The following TMEM156 variants were observed in gnomAD, a reference collection of about 807,000 sequenced individuals.
The protein encoded by TMEM156 is transmembrane protein 156.
In TMEM156, 28 loss-of-function variants were observed where a neutral mutation model predicts 30.5. The observed-to-expected ratio is 0.92, with a 90% confidence interval of 0.68 to 1.26. The LOEUF (loss-of-function observed/expected upper bound fraction) is 1.26. Among genes scored for constraint, TMEM156 ranks in the 50% most tolerant of loss-of-function variants. The probability of loss-of-function intolerance (pLI) is 0.00; values close to 1 mark genes in which losing one functional copy is unlikely to be tolerated. For missense variants in TMEM156, 351 were observed against 340.6 expected (o/e 1.03, Z -0.24); for synonymous variants, 137 against 119.9 (o/e 1.14, Z -0.93).
At chr4:38,982,408 T>C (rs1711644911) in intron 5 of TMEM156, among the ~76,000 whole-genome samples, 1 of 152,224 alleles carries the variant, frequency 6.6e-6, no homozygotes, top group African/African-American at 2.4e-5. Context: ...GTCAATGTTA[T>C]TTATGATTCT....
chr4:39,031,849 C>T (rs895394386), intron 1 of TMEM156, among the ~76,000 whole-genome samples: 1 of 140,766 alleles, frequency 7.1e-6, no homozygotes, highest in African/African-American at 2.8e-5. Flanking sequence ...GGCCATTGCA[C>T]TCCAGCCTGA....
At chr4:38,978,573 C>T (rs1437211773) in intron 5 of TMEM156, among the ~76,000 whole-genome samples, 3 of 152,104 alleles carry the variant, frequency 2.0e-5, no homozygotes, top group Non-Finnish European at 4.4e-5. Context: ...TTCCAGAGGG[C>T]CACCCATGAT....
chr4:38,998,307 G>A (rs1021788371), intron 2 of TMEM156, among the ~76,000 whole-genome samples: 8 of 152,100 alleles, frequency 5.3e-5, no homozygotes, highest in African/African-American at 9.7e-5. Flanking sequence ...AGCACTTTGG[G>A]AGGCTGAGGT....
At chr4:38,968,680 C>A (rs549691848) in intron 6 of TMEM156, among the ~76,000 whole-genome samples, 1 of 152,212 alleles carries the variant, frequency 6.6e-6, no homozygotes, top group Non-Finnish European at 1.5e-5. Context: ...CTATATGCTA[C>A]TTAGGAATTT....
At chr4:39,019,294 C>T (rs994564513) in intron 1 of TMEM156, among the ~76,000 whole-genome samples, 1 of 152,132 alleles carries the variant, frequency 6.6e-6, no homozygotes, top group Non-Finnish European at 1.5e-5. Context: ...TTCTTTAGAT[C>T]TCTATTCCAG....
intron 5 of TMEM156, among the ~76,000 whole-genome samples, chr4:38,973,568 CT>C (rs1722707253): frequency 6.6e-6 from 1 of 151,946 alleles, no homozygotes; most frequent in Non-Finnish European, 1.5e-5. Flanking sequence ...CTAAATTTTT[CT>C]TTTTTCATGA....
intron 1 of TMEM156, among the ~76,000 whole-genome samples, chr4:39,011,598 AC>A (rs1281744135): frequency 6.6e-6 from 1 of 152,028 alleles, no homozygotes; most frequent in Non-Finnish European, 1.5e-5. Flanking sequence ...AGATGGTGAA[AC>A]CCCATCTCTA....
chr4:39,013,754 C>T (rs1214878500), intron 1 of TMEM156, among the ~76,000 whole-genome samples: 1 of 151,954 alleles, frequency 6.6e-6, no homozygotes, highest in Non-Finnish European at 1.5e-5. Context: ...CTAAAACAGT[C>T]AACTGAAAAA....
At chr4:39,010,112 A>C (rs1361717498) in intron 1 of TMEM156, among the ~76,000 whole-genome samples, 2 of 152,174 alleles carry the variant, frequency 1.3e-5, no homozygotes, top group Non-Finnish European at 2.9e-5. Flanking sequence ...CAAGCTGAGA[A>C]TCAAATGAAG....
intron 1 of TMEM156, among the ~76,000 whole-genome samples, chr4:39,026,867 C>T (rs1194649256): frequency 6.6e-6 from 1 of 151,996 alleles, no homozygotes; most frequent in East Asian, 1.9e-4. Flanking sequence ...TTGGAGGTTG[C>T]AGTGAGCCGA....
chr4:38,991,026 G>C (rs1712416316), intron 3 of TMEM156, among the ~76,000 whole-genome samples: 1 of 150,634 alleles, frequency 6.6e-6, no homozygotes, highest in South Asian at 2.1e-4. Flanking sequence ...GTAGAGACAG[G>C]GTTTCACCAT....
chr4:38,976,763 A>C (rs530499132), intron 5 of TMEM156, among the ~76,000 whole-genome samples: 31 of 152,380 alleles, frequency 2.0e-4, no homozygotes, highest in African/African-American at 6.5e-4. Context: ...TCTTCATAGA[A>C]GCCTAGGAGC....
intron 2 of TMEM156, among the ~76,000 whole-genome samples, chr4:38,997,646 G>A (rs75831172): frequency 6.6e-6 from 1 of 152,264 alleles, no homozygotes; most frequent in Non-Finnish European, 1.5e-5. Flanking sequence ...TTTTATGATT[G>A]TAAAGGAATT....
At position 38,993,804 on chromosome 4, in the gene TMEM156, A is replaced by G; in HGVS notation, c.553T>C (p.Cys185Arg). 6.2e-7 allele frequency: 1 copy of G among 1,613,950 alleles called. No individual in the cohort carries two copies. Among genetic ancestry groups the G allele is most frequent in the Non-Finnish European group, 8.5e-7 (1 of 1,179,834 alleles). ...TCATTCGGGTATTCCATGATTCTAC[A>G]AGTGTAGTTTATCGATTTCTCCTTG... ...PSKEKSINYT[C>R]RIMEYPNDCI... Residue 185 changes from cysteine to arginine, a missense_variant, in exon 3 of 7, where the codon TGT (cysteine) becomes CGT (arginine). Transcript: ENST00000381938.
intron 3 of TMEM156, among the ~76,000 whole-genome samples, chr4:38,990,363 C>T (rs1024456240): frequency 2.6e-5 from 4 of 152,174 alleles, no homozygotes; most frequent in East Asian, 1.9e-4. Context: ...GACTATTCCA[C>T]GCTCTTCAGC....
At chr4:38,988,049 G>T (rs1003948525) in intron 4 of TMEM156, among the ~76,000 whole-genome samples, 4 of 152,050 alleles carry the variant, frequency 2.6e-5, no homozygotes, top group Non-Finnish European at 5.9e-5. Flanking sequence ...TGATAGGTGG[G>T]TGCCTAGGTC....
intron 2 of TMEM156, among the ~76,000 whole-genome samples, chr4:38,996,690 C>T (rs939775194): frequency 6.6e-6 from 1 of 152,156 alleles, no homozygotes; most frequent in Non-Finnish European, 1.5e-5. Context: ...AACTGTCTGG[C>T]GGTTCCTCAA....
chr4:38,969,819 C>T (rs1230897729), intron 6 of TMEM156, among the ~76,000 whole-genome samples: 4 of 152,194 alleles, frequency 2.6e-5, no homozygotes, highest in African/African-American at 9.6e-5. Context: ...TCTCGAACCC[C>T]TGAGCTCCAG....
At chr4:38,973,986 T>C in intron 5 of TMEM156, among the ~76,000 whole-genome samples, 1 of 152,104 alleles carries the variant, frequency 6.6e-6, no homozygotes, top group Non-Finnish European at 1.5e-5. Context: ...AATATGATGA[T>C]GAGTAACAGG....
Sources: gnomAD v4.1 joint callset for allele counts (sites outside exome capture counted in the v4.1 genomes callset) on GRCh38, gnomAD v4.1.1 for gene constraint, MANE v1.5 for transcripts, NCBI Gene and HGNC (gene_info 2026-07-23, HGNC 2026-07-21) for gene names.